PRSS21: variants seen among roughly 807,000 people sequenced by gnomAD.
The protein encoded by PRSS21 is testisin.
A neutral mutation model predicts 31.1 loss-of-function variants in PRSS21; 40 were observed. That is an observed-to-expected ratio of 1.29 (90% CI 1.00 to 1.68). The LOEUF (loss-of-function observed/expected upper bound fraction) is 1.68, where lower values mean the gene tolerates loss of function less well. PRSS21 is among the 40% of genes most tolerant of loss of function. The pLI is 0.00. For synonymous variants in PRSS21, 186 were observed against 167.7 expected (o/e 1.11, Z -0.84); for missense variants, 467 against 412.6 (o/e 1.13, Z -1.14).
rs774183088 is a variant in PRSS21 at position 2,817,312 on chromosome 16, G to C, written c.44G>C (p.Arg15Pro). The C allele has an allele frequency of 3.9e-6, 6 of 1,544,538 alleles. No homozygotes were observed. The highest frequency in any genetic ancestry group is 5.2e-6 in the Non-Finnish European group (6 of 1,148,900). The part of the protein sequence containing the change: ...GALLLALLLA[R>P]AGLRKPESQE... ...CTGCTGCTGGCGCTGCTGCTGGCTC[G>C]GGCTGGACTCAGGAAGCCGGGTGAG... Residue 15 changes from arginine to proline, a missense_variant, in exon 1 of 6, where the codon CGG (arginine) becomes CCG (proline). Transcript: ENST00000005995. The surrounding 1 kb of genome is among the most constrained non-coding windows in gnomAD (Gnocchi z 4.2).
chr16:2,819,332 T>G (rs1331008927), intron 4 of PRSS21, among the ~76,000 whole-genome samples: 2 of 152,146 alleles, frequency 1.3e-5, no homozygotes, highest in African/African-American at 4.8e-5. Flanking sequence ...TGCCTCTCCA[T>G]GCCTCCCACA....
chr16:2,817,523 G>A lies in PRSS21; in HGVS notation c.91+67G>A. The stretch of plus-strand genomic sequence containing the variant: ...GCCGAGGTGGACGGGGGGCGGTGAG[G>A]GGGTAGAGGGGGGCCTTTACTGCTC... On this transcript the variant is annotated intron_variant, in intron 2 of 5. Coordinates refer to ENST00000005995, the MANE Select transcript of PRSS21 (RefSeq NM_006799.4). The surrounding 1 kb of genome is among the most constrained non-coding windows in gnomAD (Gnocchi z 4.2). The A allele has an allele frequency of 2.5e-6, 3 of 1,190,838 alleles. No homozygotes were observed. Among genetic ancestry groups the A allele is most frequent in the South Asian group, 1.4e-5 (1 of 69,138 alleles). The allele number at this position is 1,190,838 out of a possible 1,614,324, so 73.8% of individuals were successfully genotyped here. A position where few individuals can be genotyped will look rare whatever the true frequency, so the allele number is the denominator to read the frequency against.
chr16:2,817,957 G>A lies in PRSS21; in HGVS notation c.248G>A (p.Cys83Tyr). 1 of 1,548,318 alleles carries A rather than the reference G, an allele frequency of 6.5e-7. No individual in the cohort carries two copies. The change falls in exon 3 of 6, where the codon TGC becomes TAC. Residue 83 changes from cysteine to tyrosine, a missense_variant. Cys to Tyr is a radical substitution (Grantham distance 194). Transcript: ENST00000005995. This position sits in a 1 kb window ranked among gnomAD's most constrained non-coding sequence, Gnocchi z 4.2. ...CGCTGGGCACTCACGGCGGCGCACT[G>A]CTTTGAAACGTGAGTGGGGGTGCGA... ...SHRWALTAAH[C>Y]FETYSDLSDP...
intron 4 of PRSS21, among the ~76,000 whole-genome samples, chr16:2,819,553 G>A (rs886823135): frequency 3.9e-5 from 6 of 152,180 alleles, no homozygotes; most frequent in African/African-American, 7.2e-5. Context: ...CAGACTGGGC[G>A]TGTTCCCTGT....
At position 2,818,785 on chromosome 16, in the gene PRSS21, G is replaced by A. The variant is rs1166610755; in HGVS notation, c.366G>A (p.Ser122=). The A allele has an allele frequency of 6.2e-7, 1 of 1,613,604 alleles. No homozygotes were observed. The highest frequency in any genetic ancestry group is 8.5e-7 in the Non-Finnish European group (1 of 1,179,524). The part of the protein sequence containing the change: ...LQAYYTRYFV[S]NIYLSPRYLG... ...CCTACTACACCCGTTACTTCGTATC[G>A]AATATCTATCTGAGCCCTCGCTACC... The change falls in exon 4 of 6, where the codon TCG becomes TCA. Residue 122 remains serine, a synonymous_variant. Transcript: ENST00000005995.
chr16:2,817,590 A>AAAGTAACTAACGGAC lies in PRSS21; in HGVS notation c.91+135_91+149dup. 1 of 1,383,160 alleles carries AAAGTAACTAACGGAC rather than the reference A, an allele frequency of 7.2e-7. No individual in the cohort carries two copies. Among genetic ancestry groups the AAAGTAACTAACGGAC allele is most frequent in the South Asian group, 1.4e-5 (1 of 70,928 alleles). The allele number at this position is 1,383,160 out of a possible 1,614,324, so 85.7% of individuals were successfully genotyped here. A position where few individuals can be genotyped will look rare whatever the true frequency, so the allele number is the denominator to read the frequency against. ...GGGATCGAGAACTCTGTTGGCGTGGAAAGTAACTAACGGACGCTGGAGGGG... is the reference window on the plus strand; with the variant it reads ...GGGATCGAGAACTCTGTTGGCGTGGAAAGTAACTAACGGACAAGTAACTAACGGACGCTGGAGGGG... On this transcript the variant is annotated intron_variant, in intron 2 of 5. Transcript: ENST00000005995. The surrounding 1 kb of genome is among the most constrained non-coding windows in gnomAD (Gnocchi z 4.2).
chr16:2,821,594 G>A lies in PRSS21; in HGVS notation c.934G>A (p.Gly312Arg), dbSNP rs1168810398. ...TCTTCTCTGGGCTCTCCCACTCCTG[G>A]GGCCGGTCTGAGCCTACCTGAGCCC... ...FPLLWALPLL[G>R]PV Residue 312 changes from glycine to arginine, a missense_variant, in exon 6 of 6, where the codon GGG becomes AGG. Physicochemically the swap from Gly to Arg is moderately radical, Grantham distance 125 (BLOSUM62 -2). Coordinates refer to ENST00000005995, the MANE Select transcript of PRSS21 (RefSeq NM_006799.4). 3 of 1,612,634 alleles carry A rather than the reference G, an allele frequency of 1.9e-6. No individual in the cohort carries two copies. The highest frequency in any genetic ancestry group is 2.5e-6 in the Non-Finnish European group (3 of 1,179,808).
chr16:2,821,211 ACTC>A, intron 5 of PRSS21, 102 bp downstream of exon 5: 1 of 1,545,324 alleles, frequency 6.5e-7, no homozygotes, highest in Non-Finnish European at 8.8e-7. Flanking sequence ...CTGTTGCCCC[ACTC>A]TGCAGATGCA....
intron 4 of PRSS21, 29 bp from the exon 5 acceptor site, chr16:2,820,924 GTC>G (rs1358324695): frequency 3.7e-6 from 6 of 1,607,884 alleles, no homozygotes; most frequent in African/African-American, 1.3e-5. Flanking sequence ...TCAGGTTGCT[GTC>G]TCTCTCCTTC....
In PRSS21 at chr16:2,817,585, C is replaced by A; in HGVS notation, c.91+129C>A. 1.4e-6 allele frequency: 2 copies of A among 1,393,674 alleles called. No individual in the cohort carries two copies. The highest frequency in any genetic ancestry group is 1.9e-6 in the Non-Finnish European group (2 of 1,047,674). The allele number at this position is 1,393,674 out of a possible 1,614,324, so 86.3% of individuals were successfully genotyped here. A position where few individuals can be genotyped will look rare whatever the true frequency, so the allele number is the denominator to read the frequency against. On this transcript the variant is annotated intron_variant, in intron 2 of 5. Coordinates refer to ENST00000005995, the MANE Select transcript of PRSS21 (RefSeq NM_006799.4). The surrounding 1 kb of genome is among the most constrained non-coding windows in gnomAD (Gnocchi z 4.2). ...CCCCCGGGATCGAGAACTCTGTTGGCGTGGAAAGTAACTAACGGACGCTGG... is the reference window on the plus strand; with the variant it reads ...CCCCCGGGATCGAGAACTCTGTTGGAGTGGAAAGTAACTAACGGACGCTGG...
At chr16:2,819,024 C>T (rs2069129216) in intron 4 of PRSS21, 55 bp downstream of exon 4, 1 of 1,585,792 alleles carries the variant, frequency 6.3e-7, no homozygotes. Flanking sequence ...ACCTGTTCCC[C>T]TGCATAGGCA....
Position 2,818,935 on chromosome 16 carries a change from G to T in PRSS21, c.516G>T (p.Trp172Cys). 1 of 1,614,212 alleles carries T rather than the reference G, an allele frequency of 6.2e-7. No individual in the cohort carries two copies. Among genetic ancestry groups the T allele is most frequent in the Non-Finnish European group, 8.5e-7 (1 of 1,180,030 alleles). ...TFEFENRTDC[W>C]VTGWGYIKED... ...AGTTTGAGAACCGGACAGACTGCTGGGTGACTGGCTGGGGGTACATCAAAG... is the reference window on the plus strand; with the variant it reads ...AGTTTGAGAACCGGACAGACTGCTGTGTGACTGGCTGGGGGTACATCAAAG... Residue 172 changes from tryptophan (W) to cysteine (C), a missense_variant, in exon 4 of 6, where the codon TGG (tryptophan) becomes TGT (cysteine). Physicochemically the swap from Trp to Cys is radical, Grantham distance 215. Transcript: ENST00000005995.
rs1307744747 is a variant in PRSS21 at position 2,817,995 on chromosome 16, G to A, written c.257+29G>A. The A allele has an allele frequency of 1.0e-5, 16 of 1,536,830 alleles. No homozygotes were observed. Among genetic ancestry groups the A allele is most frequent in the South Asian group, 9.6e-5 (8 of 83,640 alleles). ...AGTGGGGGTGCGAACGGAGGGGTGCGGGGACGGGCAGGAACAGGGCTGGAG... is the reference window on the plus strand; with the variant it reads ...AGTGGGGGTGCGAACGGAGGGGTGCAGGGACGGGCAGGAACAGGGCTGGAG... On this transcript the variant is annotated intron_variant, in intron 3 of 5. Coordinates refer to ENST00000005995, the MANE Select transcript of PRSS21 (RefSeq NM_006799.4). The surrounding 1 kb of genome is among the most constrained non-coding windows in gnomAD (Gnocchi z 4.2).
Position 2,817,272 on chromosome 16 carries a change from G to A in PRSS21, c.4G>A (p.Gly2Ser), listed in dbSNP as rs1221260741. 5.2e-6 allele frequency: 8 copies of A among 1,533,286 alleles called. No individual in the cohort carries two copies. Among genetic ancestry groups the A allele is most frequent in the Non-Finnish European group, 7.0e-6 (8 of 1,143,964 alleles). 95.0% of individuals were successfully genotyped at this position (1,533,286 alleles called of 1,614,324 possible). A position where few individuals can be genotyped will look rare whatever the true frequency, so the allele number is the denominator to read the frequency against. ...TCAGGCCGCGGGAGAGGAGGCCATG[G>A]GCGCGCGCGGGGCGCTGCTGCTGGC... M[G>S]ARGALLLALL... Residue 2 changes from glycine to serine, a missense_variant, in exon 1 of 6, where the codon GGC becomes AGC. Coordinates refer to ENST00000005995, the MANE Select transcript of PRSS21 (RefSeq NM_006799.4). This position sits in a 1 kb window ranked among gnomAD's most constrained non-coding sequence, Gnocchi z 4.2.
intron 5 of PRSS21, 42 bp from the exon 6 acceptor site, chr16:2,821,324 C>T (rs200468467): frequency 1.5e-5 from 24 of 1,608,546 alleles, no homozygotes; most frequent in South Asian, 4.4e-5. Flanking sequence ...CCCTGCCCCA[C>T]TCACTCTGCC....
intron 3 of PRSS21, among the ~76,000 whole-genome samples, chr16:2,818,283 C>T (rs189937309): frequency 1.1e-3 from 172 of 152,338 alleles, no homozygotes; most frequent in African/African-American, 3.8e-3. Context: ...CCTCATCCCC[C>T]CTCCTGGTGG....
chr16:2,819,687 G>C (rs1265731988), intron 4 of PRSS21, among the ~76,000 whole-genome samples: 7 of 152,238 alleles, frequency 4.6e-5, no homozygotes, highest in Non-Finnish European at 8.8e-5. Flanking sequence ...TTCTAGACAT[G>C]GGGGCCCAGC....
chr16:2,820,582 C>T (rs538540358), intron 4 of PRSS21, among the ~76,000 whole-genome samples: 1 of 152,310 alleles, frequency 6.6e-6, no homozygotes, highest in South Asian at 2.1e-4. Context: ...GCCAGGGCTG[C>T]AGCCAGGCTG....
intron 4 of PRSS21, among the ~76,000 whole-genome samples, chr16:2,820,489 C>T (rs925697058): frequency 1.3e-4 from 20 of 152,112 alleles, no homozygotes; most frequent in Non-Finnish European, 1.8e-4. Flanking sequence ...TGATGACTGC[C>T]GCCTCCCAGG....
Sources: gnomAD v4.1 joint callset for allele counts (sites outside exome capture counted in the v4.1 genomes callset) on GRCh38, gnomAD v4.1.1 for gene constraint, Gnocchi (gnomAD v3.1) non-coding constraint, MANE v1.5 for transcripts, NCBI Gene and HGNC (gene_info 2026-07-23, HGNC 2026-07-21) for gene names.